The following WDR64 variants were observed in gnomAD, a reference collection of about 807,000 sequenced individuals.
The protein encoded by WDR64 is WD repeat-containing protein 64.
WDR64 carries 112 observed loss-of-function variants against 139.3 expected under a neutral mutation model. The ratio of observed to expected loss-of-function variants is 0.80; its 90% CI spans 0.69 to 0.94. The LOEUF is 0.94. Ranked by LOEUF, WDR64 falls within the 40% of genes least tolerant of loss-of-function variation. WDR64 has a pLI of 0.00. For synonymous variants in WDR64, 444 were observed against 437.7 expected (o/e 1.01, Z -0.18); for missense variants, 1,206 against 1,293.1 (o/e 0.93, Z 1.03).
chr1:241,749,922 G>T (rs10926563), intron 14 of WDR64, among the ~76,000 whole-genome samples, 200 bp downstream of exon 14: 1 of 151,898 alleles, frequency 6.6e-6, no homozygotes, highest in African/African-American at 2.4e-5. Flanking sequence ...GCCCAGCCAC[G>T]GCATGCTGCC....
At chr1:241,705,351 C>G (rs1451996057) in intron 8 of WDR64, among the ~76,000 whole-genome samples, 1 of 151,830 alleles carries the variant, frequency 6.6e-6, no homozygotes, top group Non-Finnish European at 1.5e-5. Flanking sequence ...ACCATCCCGG[C>G]TAACACGGTG....
chr1:241,688,184 C>G (rs1667081331), intron 8 of WDR64, among the ~76,000 whole-genome samples: 1 of 152,070 alleles, frequency 6.6e-6, no homozygotes, highest in African/African-American at 2.4e-5. Context: ...GACAAAAAGA[C>G]TGCATATGGT....
At chr1:241,675,039 CTT>C (rs1666443827) in intron 4 of WDR64, among the ~76,000 whole-genome samples, 3 of 11,316 alleles carry the variant, frequency 2.7e-4, no homozygotes, top group Non-Finnish European at 4.7e-4. Context: ...CTCCCTCCTT[CTT>C]CTTTCCTTCC....
intron 15 of WDR64, among the ~76,000 whole-genome samples, chr1:241,765,371 C>T (rs1472240288): frequency 2.6e-5 from 4 of 151,912 alleles, no homozygotes; most frequent in African/African-American, 2.4e-5. Flanking sequence ...ATCTGAGATT[C>T]CTCAGAAACA....
In WDR64 at chr1:241,732,827, A is replaced by AC. The variant is rs1056675520; in HGVS notation, c.1195-5536_1195-5535insC. Among the ~76,000 whole-genome samples, 276 of 152,008 alleles carry AC rather than the reference A, an allele frequency of 1.8e-3. 1 individual carries two copies. The highest frequency in any genetic ancestry group is 5.5e-3 in the African/African-American group (228 of 41,476). On this transcript the variant is annotated intron_variant, in intron 10 of 27. Coordinates refer to ENST00000437684, the MANE Select transcript of WDR64 (RefSeq NM_001367482.1). ...AAGAGTGAAACTCTGTCAAAAAAAA[A>AC]ACCAAAAAAACAAAAAAACAAAAAA...
At chr1:241,683,838 A>C in intron 7 of WDR64, 137 bp downstream of exon 7, 2 of 669,182 alleles carry the variant, frequency 3.0e-6, no homozygotes, top group Non-Finnish European at 4.8e-6. Flanking sequence ...TAATATAAAC[A>C]ATTAATTATA....
chr1:241,755,873 G>A (rs1313936183), intron 14 of WDR64, among the ~76,000 whole-genome samples: 2 of 152,174 alleles, frequency 1.3e-5, no homozygotes, highest in South Asian at 2.1e-4. Flanking sequence ...GATGGTTGTA[G>A]ATGTGTGGCA....
At chr1:241,655,199 A>G (rs1665535349) in intron 1 of WDR64, among the ~76,000 whole-genome samples, 1 of 152,172 alleles carries the variant, frequency 6.6e-6, no homozygotes, top group Non-Finnish European at 1.5e-5. Flanking sequence ...CCTTGCCAAC[A>G]TGATGAAACC....
chr1:241,662,988 T>C (rs1020933919), intron 2 of WDR64, among the ~76,000 whole-genome samples: 2 of 152,296 alleles, frequency 1.3e-5, no homozygotes, highest in South Asian at 2.1e-4. Flanking sequence ...TAGAATTATA[T>C]GGCAAACTAT....
chr1:241,795,403 G>A lies in WDR64; in HGVS notation c.3078+116G>A, dbSNP rs983518483. The A allele has an allele frequency of 3.7e-5, 33 of 886,096 alleles. No individual in the cohort carries two copies. In the East Asian group the frequency reaches 5.7e-4, roughly 15 times the overall value. The allele number at this position is 886,096 out of a possible 1,614,324, so 54.9% of individuals were successfully genotyped here. On this transcript the variant is annotated intron_variant, in intron 26 of 27. Transcript: ENST00000437684. The stretch of plus-strand genomic sequence containing the variant: ...AGAAAATCATACAGTCAGTTGGACC[G>A]TTGCTTCCAAAAACGTATCATGTGC...
chr1:241,738,592 G>T (rs1175968633), intron 11 of WDR64, 103 bp downstream of exon 11: 13 of 1,202,304 alleles, frequency 1.1e-5, no homozygotes, highest in African/African-American at 3.1e-5. Context: ...AAAACTAGAA[G>T]GGTAATTTAT....
Position 241,792,580 on chromosome 1 carries a change from G to T in WDR64, c.2997+1884G>T, listed in dbSNP as rs182694805. Among the ~76,000 whole-genome samples the T allele has an allele frequency of 2.6e-4, 40 of 151,952 alleles. No individual in the cohort carries two copies. The East Asian group carries it at 7.5e-3, about 29-fold the overall frequency. The stretch of plus-strand genomic sequence containing the variant: ...AAAAATAAAATAAAAATTAACAAAG[G>T]TCAGTATACAGGATATGGAAAGAAC... On this transcript the variant is annotated intron_variant, in intron 25 of 27. Coordinates refer to ENST00000437684, the MANE Select transcript of WDR64 (RefSeq NM_001367482.1).
At chr1:241,801,045 T>G (rs1301375934) in intron 27 of WDR64, 87 bp from the exon 28 acceptor site, 1 of 999,834 alleles carries the variant, frequency 1.0e-6, no homozygotes. Flanking sequence ...AAAATCTCTA[T>G]GTAAATTAGC....
rs763685337 is a variant in WDR64 at position 241,660,660 on chromosome 1, G to C, written c.276G>C (p.Glu92Asp). Residue 92 changes from glutamate to aspartate, a missense_variant and splice_region_variant, in exon 2 of 28, where the codon GAG (glutamate) becomes GAC (aspartate). Physicochemically the swap from Glu to Asp is conservative, Grantham distance 45 (BLOSUM62 2). Transcript: ENST00000437684. ...NNTDASADWCEIFGYFSSEED... is the reference protein window; with the variant it reads ...NNTDASADWCDIFGYFSSEED... ...CGGATGCATCTGCAGACTGGTGTGAGGTAGACTCATTTCATGTTCATAATA... is the reference window on the plus strand; with the variant it reads ...CGGATGCATCTGCAGACTGGTGTGACGTAGACTCATTTCATGTTCATAATA... 42 of 1,548,898 alleles carry C rather than the reference G, an allele frequency of 2.7e-5. No homozygotes were observed. The highest frequency in any genetic ancestry group is 2.9e-5 in the Non-Finnish European group (33 of 1,146,082).
chr1:241,781,715 A>G (rs1658852445), intron 22 of WDR64, among the ~76,000 whole-genome samples: 1 of 152,260 alleles, frequency 6.6e-6, no homozygotes, highest in African/African-American at 2.4e-5. Context: ...GGGTCATGAA[A>G]TCAATTAAAT....
intron 6 of WDR64, 86 bp downstream of exon 6, chr1:241,679,681 C>G: frequency 1.8e-6 from 2 of 1,105,448 alleles, no homozygotes; most frequent in Non-Finnish European, 2.6e-6. Flanking sequence ...CTCTATTGAA[C>G]ATCAGTTTCT....
At chr1:241,690,342 A>C (rs1667168662) in intron 8 of WDR64, among the ~76,000 whole-genome samples, 1 of 151,840 alleles carries the variant, frequency 6.6e-6, no homozygotes, top group South Asian at 2.1e-4. Context: ...ATGGTGGCGC[A>C]CACCTGTAAT....
chr1:241,655,452 GT>G (rs1665551225), intron 1 of WDR64, among the ~76,000 whole-genome samples: 1 of 152,018 alleles, frequency 6.6e-6, no homozygotes, highest in South Asian at 2.1e-4. Flanking sequence ...TCTGCCAAGA[GT>G]TTTTCATTTT....
intron 15 of WDR64, among the ~76,000 whole-genome samples, chr1:241,761,293 A>T (rs1457721865): frequency 6.6e-6 from 1 of 152,212 alleles, no homozygotes; most frequent in East Asian, 1.9e-4. Flanking sequence ...TTAAAATTAC[A>T]TGATGTAAAA....
Sources: allele counts gnomAD v4.1 joint callset (sites outside exome capture counted in the v4.1 genomes callset), GRCh38; gene constraint gnomAD v4.1.1; transcripts MANE v1.5; gene names NCBI Gene and HGNC (gene_info 2026-07-23, HGNC 2026-07-21).